Variants in AMMECR1 observed in about 807,000 individuals in gnomAD.
AMMECR1 encodes AMMECR nuclear protein 1.
In AMMECR1, 3 loss-of-function variants were observed where a neutral mutation model predicts 22.5. The ratio of observed to expected loss-of-function variants is 0.13; its 90% CI spans 0.06 to 0.35. AMMECR1 has a LOEUF of 0.35. AMMECR1 is among the 10% of genes least tolerant of loss of function. The pLI is 1.00. For synonymous variants in AMMECR1, 130 were observed against 116.7 expected (o/e 1.11, Z -0.74); for missense variants, 235 against 278.7 (o/e 0.84, Z 1.12).
chrX:110,353,664 T>C (rs994209017), intron 2 of AMMECR1, among the ~76,000 whole-genome samples: 3 of 111,891 alleles, frequency 2.7e-5, no homozygotes, highest in African/African-American at 9.7e-5. Context: ...TCCATGCCAA[T>C]GTGGTCAGAA....
At chrX:110,367,973 A>ATTATTATT (rs537050639) in intron 2 of AMMECR1, among the ~76,000 whole-genome samples, 1 of 85,333 alleles carries the variant, frequency 1.2e-5, no homozygotes, top group African/African-American at 4.3e-5. Flanking sequence ...AGTGCTGGCT[A>ATTATTATT]ATTATTATTA....
At chrX:110,241,976 C>T in intron 2 of AMMECR1, among the ~76,000 whole-genome samples, 1 of 111,723 alleles carries the variant, frequency 9.0e-6, no homozygotes, top group Non-Finnish European at 1.9e-5. Flanking sequence ...CTGGCTCTCA[C>T]TTCACTAGCA....
chrX:110,438,645 C>T (rs1041006903), intron 1 of AMMECR1, among the ~76,000 whole-genome samples: 9 of 111,271 alleles, frequency 8.1e-5, no homozygotes, highest in African/African-American at 2.9e-4. Context: ...AAAACAAATC[C>T]GGTCTCCACC....
intron 2 of AMMECR1, among the ~76,000 whole-genome samples, chrX:110,400,290 G>C (rs1009795175): frequency 4.4e-4 from 47 of 106,792 alleles, no homozygotes; most frequent in African/African-American, 1.5e-3. Flanking sequence ...CTCAGTGATA[G>C]CCAATCCATT....
chrX:110,363,755 A>C (rs1189851929), intron 2 of AMMECR1, among the ~76,000 whole-genome samples: 1 of 111,476 alleles, frequency 9.0e-6, no homozygotes, highest in Non-Finnish European at 1.9e-5. Flanking sequence ...ATCATCCCAC[A>C]CCATATACTA....
At chrX:110,309,462 T>C (rs2068014278) in intron 1 of AMMECR1, 1 of 112,508 alleles carries the variant, frequency 8.9e-6, no homozygotes, top group African/African-American at 3.2e-5. Context: ...CAGCATCTTC[T>C]GGCAGGATAC....
chrX:110,343,278 G>A lies in AMMECR1; in HGVS notation c.-147-25429C>T, dbSNP rs190042828. Among the ~76,000 whole-genome samples the A allele has an allele frequency of 2.1e-3, 238 of 111,687 alleles. 1 individual carries two copies. The highest frequency in any genetic ancestry group is 3.6e-3 in the Non-Finnish European group (189 of 53,127). On this transcript the variant is annotated intron_variant, in intron 2 of 7. Transcript: ENST00000372057. ...CTCAATAGATGCAGAAAAGGCCTTC[G>A]ACAAAATTCAACAGCCCGTCATGCT...
rs758631286 is a variant in AMMECR1, at chrX:110,292,870, A to G, written c.473+24729T>C. On this transcript the variant is annotated intron_variant, in intron 1 of 5. Coordinates refer to ENST00000262844, the MANE Select transcript of AMMECR1 (RefSeq NM_015365.3). ...GTGATAATGATGTGTTAATGTAGGG[A>G]CATCAGTTATAACAAATGTACCACT... is the stretch of plus-strand genomic sequence containing the variant. 4.5e-5 allele frequency among the ~76,000 whole-genome samples: 5 copies of G among 112,127 alleles called. No individual in the cohort carries two copies. In the Admixed American group the frequency reaches 4.7e-4, roughly 11 times the overall value.
intron 3 of AMMECR1, among the ~76,000 whole-genome samples, chrX:110,210,563 A>G (rs2067443233): frequency 1.8e-5 from 2 of 111,852 alleles, no homozygotes; most frequent in Admixed American, 1.9e-4. Context: ...CATTAAGAGG[A>G]GCTAAAAAAT....
intron 2 of AMMECR1, among the ~76,000 whole-genome samples, chrX:110,323,563 T>C (rs2068086873): frequency 8.9e-6 from 1 of 112,573 alleles, no homozygotes; most frequent in African/African-American, 3.2e-5. Context: ...GCTTCCTCTA[T>C]GTTGTAGCAT....
upstream of AMMECR1, among the ~76,000 whole-genome samples, chrX:110,318,765 C>T (rs1205655414): frequency 1.8e-5 from 2 of 111,911 alleles, no homozygotes; most frequent in Non-Finnish European, 3.8e-5. Context: ...CCTAAGCACA[C>T]ACCAGGGTAC....
upstream of AMMECR1, among the ~76,000 whole-genome samples, chrX:110,323,043 A>G (rs1569406791): frequency 8.9e-6 from 1 of 111,741 alleles, no homozygotes; most frequent in South Asian, 3.7e-4. Context: ...TGACTTCTGC[A>G]TCTTCCACAA....
At chrX:110,244,890 A>T (rs1306021898) in intron 2 of AMMECR1, among the ~76,000 whole-genome samples, 1 of 112,384 alleles carries the variant, frequency 8.9e-6, no homozygotes, top group African/African-American at 3.2e-5. Context: ...TTGAAACTAT[A>T]GTGACTATTC....
chrX:110,265,447 T>C (rs2067763546), intron 1 of AMMECR1, among the ~76,000 whole-genome samples: 2 of 112,000 alleles, frequency 1.8e-5, no homozygotes, highest in South Asian at 3.7e-4. Context: ...GAACAAAGTA[T>C]CAATTATAAC....
intron 3 of AMMECR1, among the ~76,000 whole-genome samples, chrX:110,209,354 C>G (rs2067436513): frequency 8.9e-6 from 1 of 111,807 alleles, no homozygotes; most frequent in East Asian, 2.8e-4. Context: ...AGTTCTTCTA[C>G]AAAGCAAAAT....
intron 1 of AMMECR1, 75 bp from the exon 2 acceptor site, chrX:110,264,674 G>T: frequency 1.2e-6 from 1 of 842,591 alleles, no homozygotes; most frequent in Non-Finnish European, 1.7e-6. Context: ...TTGACTGTCT[G>T]CTAGGTTAGG....
chrX:110,242,804 A>G (rs930837415), intron 2 of AMMECR1, among the ~76,000 whole-genome samples: 2 of 112,500 alleles, frequency 1.8e-5, no homozygotes, highest in Non-Finnish European at 3.8e-5. Context: ...ATACTGGGAT[A>G]AAACTAAGCA....
At chrX:110,380,334 C>T (rs1312239439) in intron 2 of AMMECR1, among the ~76,000 whole-genome samples, 1 of 105,450 alleles carries the variant, frequency 9.5e-6, no homozygotes, top group African/African-American at 3.9e-5. Context: ...AGAATGCAAT[C>T]CAATTTACAA....
intron 1 of AMMECR1, among the ~76,000 whole-genome samples, chrX:110,304,232 G>A (rs866512752): frequency 9.8e-5 from 11 of 111,779 alleles, no homozygotes; most frequent in African/African-American, 3.6e-4. Context: ...CCTAATCTAT[G>A]TTTAAATTAA....
Sources: allele counts gnomAD v4.1 joint callset (sites outside exome capture counted in the v4.1 genomes callset), GRCh38; gene constraint gnomAD v4.1.1; transcripts MANE v1.5; gene names NCBI Gene and HGNC (gene_info 2026-07-23, HGNC 2026-07-21).